The following CEP57 variants were observed in gnomAD, a reference collection of about 807,000 sequenced individuals.
CEP57 encodes centrosomal protein 57.
Under a neutral mutation model 68.0 loss-of-function variants are expected in CEP57, and 40 were observed. The ratio of observed to expected loss-of-function variants is 0.59; its 90% CI spans 0.46 to 0.77. The LOEUF (loss-of-function observed/expected upper bound fraction) is 0.77, where lower values mean the gene tolerates loss of function less well. CEP57 is among the 30% of genes least tolerant of loss of function. The probability of loss-of-function intolerance (pLI) is 0.00; values close to 1 mark genes in which losing one functional copy is unlikely to be tolerated. For missense variants in CEP57, 606 were observed against 580.7 expected (o/e 1.04, Z -0.45); for synonymous variants, 219 against 198.7 (o/e 1.10, Z -0.86).
chr11:95,800,389 T>A (rs575324177), intron 2 of CEP57, among the ~76,000 whole-genome samples: 208 of 152,110 alleles, frequency 1.4e-3, no homozygotes, highest in Non-Finnish European at 1.3e-3. Flanking sequence ...GTTTCTTTTT[T>A]TTTTTTATTT....
Position 95,799,297 on chromosome 11 carries a change from A to C in CEP57, c.111A>C (p.Val37=). The C allele has an allele frequency of 1.2e-6, 2 of 1,614,036 alleles. No individual in the cohort carries two copies. The highest frequency in any genetic ancestry group is 1.7e-6 in the Non-Finnish European group (2 of 1,179,884). ...SMVRHSSSPY[V]VYPSDKPFLN... ...TTCGGCATTCTTCATCTCCATATGT[A>C]GTATATCCTTCGGATAAGCCTTTCC... Residue 37 remains valine (V), a synonymous_variant, in exon 2 of 11, where the codon GTA becomes GTC. Coordinates refer to ENST00000325542, the MANE Select transcript of CEP57 (RefSeq NM_014679.5).
At chr11:95,810,983 T>C (rs1862034858) in intron 2 of CEP57, among the ~76,000 whole-genome samples, 1 of 152,222 alleles carries the variant, frequency 6.6e-6, no homozygotes. Flanking sequence ...TTTTACACTG[T>C]TGGTGGGATC....
In CEP57 at chr11:95,817,345, G is replaced by A. The variant is rs139150311; in HGVS notation, c.505-442G>A. ...TCAGCCACTGCACTCTGGCCTGGGCGACAGAGCGAGACTCTATCTCAAAAA... is the reference window on the plus strand; with the variant it reads ...TCAGCCACTGCACTCTGGCCTGGGCAACAGAGCGAGACTCTATCTCAAAAA... On this transcript the variant is annotated intron_variant, in intron 4 of 10. Coordinates refer to ENST00000325542, the MANE Select transcript of CEP57 (RefSeq NM_014679.5). 4.0e-4 allele frequency among the ~76,000 whole-genome samples: 61 copies of A among 152,240 alleles called. No individual in the cohort carries two copies. The East Asian group carries it at 8.1e-3, about 20-fold the overall frequency.
At chr11:95,809,519 T>C (rs1203772575) in intron 2 of CEP57, among the ~76,000 whole-genome samples, 1 of 152,066 alleles carries the variant, frequency 6.6e-6, no homozygotes, top group Non-Finnish European at 1.5e-5. Context: ...AAAGGAGATA[T>C]CACTACCAAT....
In CEP57 at chr11:95,816,173, A is replaced by G. The variant is rs540794175; in HGVS notation, c.505-1614A>G. ...ACTTAACACTTATGGTGGAAGGGGAAGCATACATATTCTTCTTCACATGGT... is the reference window on the plus strand; with the variant it reads ...ACTTAACACTTATGGTGGAAGGGGAGGCATACATATTCTTCTTCACATGGT... On this transcript the variant is annotated intron_variant, in intron 4 of 10. Coordinates refer to ENST00000325542, the MANE Select transcript of CEP57 (RefSeq NM_014679.5). Among the ~76,000 whole-genome samples the G allele has an allele frequency of 7.9e-5, 12 of 152,274 alleles. No individual in the cohort carries two copies. The South Asian group carries it at 2.5e-3, about 32-fold the overall frequency.
intron 1 of CEP57, among the ~76,000 whole-genome samples, chr11:95,791,627 G>C (rs1321723478): frequency 1.3e-5 from 2 of 152,208 alleles, no homozygotes; most frequent in Admixed American, 1.3e-4. Flanking sequence ...TTACTGCGCA[G>C]TATAGTTTAG....
chr11:95,803,195 G>C (rs1861654714), intron 2 of CEP57, among the ~76,000 whole-genome samples: 1 of 152,106 alleles, frequency 6.6e-6, no homozygotes, highest in South Asian at 2.1e-4. Context: ...AGATGATTAG[G>C]GGTATGATTA....
intron 6 of CEP57, among the ~76,000 whole-genome samples, chr11:95,819,214 T>C (rs865912430): frequency 1.3e-5 from 2 of 152,214 alleles, no homozygotes; most frequent in African/African-American, 4.8e-5. Context: ...TTACGGCCAT[T>C]ATCAGTAATA....
At chr11:95,792,333 A>C (rs769711217) in intron 1 of CEP57, among the ~76,000 whole-genome samples, 1 of 152,200 alleles carries the variant, frequency 6.6e-6, no homozygotes, top group Non-Finnish European at 1.5e-5. Flanking sequence ...GAATACTCTT[A>C]CAAATGTTGA....
chr11:95,810,754 T>C (rs1377428729), intron 2 of CEP57, among the ~76,000 whole-genome samples: 1 of 152,194 alleles, frequency 6.6e-6, no homozygotes, highest in Non-Finnish European at 1.5e-5. Flanking sequence ...ATCAATATCG[T>C]GGAAATAGCC....
At chr11:95,804,626 C>T (rs1407754393) in intron 2 of CEP57, among the ~76,000 whole-genome samples, 1 of 152,144 alleles carries the variant, frequency 6.6e-6, no homozygotes, top group Non-Finnish European at 1.5e-5. Flanking sequence ...TCTGATAAGT[C>T]AACTCAAGCC....
intron 2 of CEP57, among the ~76,000 whole-genome samples, chr11:95,810,478 AAG>A (rs1454576056): frequency 1.3e-5 from 2 of 152,240 alleles, no homozygotes; most frequent in African/African-American, 2.4e-5. Flanking sequence ...AAATCTCCTC[AAG>A]TTGATAAGCA....
chr11:95,817,550 A>G (rs1862349601), intron 4 of CEP57, among the ~76,000 whole-genome samples: 1 of 152,184 alleles, frequency 6.6e-6, no homozygotes, highest in South Asian at 2.1e-4. Flanking sequence ...GCATAAAGAT[A>G]ATGTCACTAT....
chr11:95,821,841 G>A, intron 6 of CEP57, 30 bp from the exon 7 acceptor site: 1 of 1,432,692 alleles, frequency 7.0e-7, no homozygotes. Context: ...TATTTCTACA[G>A]CATTAACTTG....
At chr11:95,795,704 T>G (rs999918751) in intron 1 of CEP57, 2 of 434,898 alleles carry the variant, frequency 4.6e-6, no homozygotes, top group Non-Finnish European at 8.2e-6. Context: ...ATGTTGAATT[T>G]TATTGAATGC....
chr11:95,809,076 A>G (rs1414564744), intron 2 of CEP57, among the ~76,000 whole-genome samples: 1 of 152,262 alleles, frequency 6.6e-6, no homozygotes, highest in Admixed American at 6.5e-5. Context: ...CTACATGGAA[A>G]GTGAACAACC....
intron 9 of CEP57, among the ~76,000 whole-genome samples, chr11:95,828,362 AAG>A (rs1347366666): frequency 6.6e-6 from 1 of 152,236 alleles, no homozygotes. Flanking sequence ...GTGCTAACAT[AAG>A]AGTGTGCTAA....
intron 1 of CEP57, among the ~76,000 whole-genome samples, chr11:95,796,303 C>T (rs1208133067): frequency 6.6e-6 from 1 of 152,158 alleles, no homozygotes; most frequent in Non-Finnish European, 1.5e-5. Context: ...TCAGGTTAAA[C>T]ATTTTGCCTT....
chr11:95,816,421 A>G (rs962659899), intron 4 of CEP57, among the ~76,000 whole-genome samples: 1 of 152,158 alleles, frequency 6.6e-6, no homozygotes, highest in Admixed American at 6.5e-5. Flanking sequence ...ATAATCATAT[A>G]TTATTATTAT....
Sources: allele counts gnomAD v4.1 joint callset (sites outside exome capture counted in the v4.1 genomes callset), GRCh38; gene constraint gnomAD v4.1.1; transcripts MANE v1.5; gene names NCBI Gene and HGNC (gene_info 2026-07-23, HGNC 2026-07-21).